The following AKAP6 variants were observed in gnomAD, a reference collection of about 807,000 sequenced individuals.
AKAP6 encodes A-kinase anchor protein 6.
A neutral mutation model predicts 188.5 loss-of-function variants in AKAP6; 58 were observed. That is an observed-to-expected ratio of 0.31 (90% CI 0.25 to 0.38). The LOEUF is 0.38. AKAP6 is among the 10% of genes least tolerant of loss of function. The pLI is 1.00. For missense variants in AKAP6, 2,710 were observed against 2,740.0 expected (o/e 0.99, Z 0.24); for synonymous variants, 989 against 998.6 (o/e 0.99, Z 0.18).
intron 1 of AKAP6, among the ~76,000 whole-genome samples, chr14:32,369,171 A>C (rs1887932198): frequency 6.6e-6 from 1 of 152,202 alleles, no homozygotes; most frequent in Non-Finnish European, 1.5e-5. Flanking sequence ...GACCCAGATG[A>C]AAGATAGCCA....
chr14:32,600,480 A>G (rs560519358), intron 6 of AKAP6, 149 bp from the exon 7 acceptor site: 1 of 870,748 alleles, frequency 1.1e-6, no homozygotes, highest in African/African-American at 1.7e-5. Context: ...CTCTATTCTG[A>G]GTGACAAATG....
At chr14:32,747,914 T>C (rs2031977803) in intron 11 of AKAP6, among the ~76,000 whole-genome samples, 1 of 152,194 alleles carries the variant, frequency 6.6e-6, no homozygotes, top group South Asian at 2.1e-4. Context: ...TGTGTACTCA[T>C]TTTATATGTG....
intron 1 of AKAP6, among the ~76,000 whole-genome samples, chr14:32,332,948 G>A (rs190719635): frequency 2.2e-4 from 34 of 152,176 alleles, no homozygotes; most frequent in Admixed American, 1.8e-3. Flanking sequence ...AGCTATCCAC[G>A]CCCAGCGTCA....
chr14:32,788,541 C>T (rs2033501971), intron 12 of AKAP6, among the ~76,000 whole-genome samples: 1 of 152,152 alleles, frequency 6.6e-6, no homozygotes, highest in Non-Finnish European at 1.5e-5. Context: ...GGGCAACAGC[C>T]CACCTGGGAG....
At position 32,822,906 on chromosome 14, in the gene AKAP6, C is replaced by G. The variant is rs2034569008; in HGVS notation, c.5093C>G (p.Ser1698Cys). ...LTELSSSDEL[S>C]LCSEDIVLHK... The stretch of plus-strand genomic sequence containing the variant: ...GAACTTAGCAGCAGTGACGAGCTCT[C>G]TCTTTGCTCAGAGGATATTGTGTTA... The change falls in exon 13 of 14, where the codon TCT becomes TGT. Residue 1698 changes from serine (S) to cysteine (C), a missense_variant. Physicochemically the swap from Ser to Cys is moderately radical, Grantham distance 112 (BLOSUM62 -1). Around this residue, in one of 2 missense-constraint regions of AKAP6, gnomAD observed 2,473 missense variants for 2,426.1 expected, o/e 1.02. Transcript: ENST00000280979. 1.2e-6 allele frequency: 2 copies of G among 1,613,810 alleles called. No homozygotes were observed. Among genetic ancestry groups the G allele is most frequent in the South Asian group, 1.1e-5 (1 of 91,088 alleles).
chr14:32,498,711 C>T (rs1172721967), intron 2 of AKAP6, among the ~76,000 whole-genome samples: 1 of 152,008 alleles, frequency 6.6e-6, no homozygotes, highest in Non-Finnish European at 1.5e-5. Flanking sequence ...GGAGCGAGAA[C>T]TATTCCCAGT....
At chr14:32,487,131 G>A (rs565551997) in intron 2 of AKAP6, among the ~76,000 whole-genome samples, 2 of 152,288 alleles carry the variant, frequency 1.3e-5, no homozygotes, top group East Asian at 1.9e-4. Flanking sequence ...ATTGATTTGT[G>A]TATGTTGAAC....
At chr14:32,504,385 A>G (rs899025331) in intron 2 of AKAP6, among the ~76,000 whole-genome samples, 1 of 152,056 alleles carries the variant, frequency 6.6e-6, no homozygotes, top group Non-Finnish European at 1.5e-5. Flanking sequence ...GGCTCAAGCA[A>G]TTCTCCTGCC....
intron 1 of AKAP6, among the ~76,000 whole-genome samples, chr14:32,348,848 G>T (rs912067208): frequency 6.6e-6 from 1 of 152,296 alleles, no homozygotes; most frequent in Non-Finnish European, 1.5e-5. Flanking sequence ...GAGGTGCCAA[G>T]TGGCCCTAAA....
chr14:32,345,537 G>A (rs1887038864), intron 1 of AKAP6, among the ~76,000 whole-genome samples: 1 of 152,330 alleles, frequency 6.6e-6, no homozygotes, highest in East Asian at 1.9e-4. Flanking sequence ...CCCTGTATCT[G>A]TGATGAGTTG....
At chr14:32,590,662 A>G (rs1390034939) in intron 5 of AKAP6, among the ~76,000 whole-genome samples, 2 of 152,168 alleles carry the variant, frequency 1.3e-5, no homozygotes, top group African/African-American at 4.8e-5. Context: ...TGTTTGGTAT[A>G]TCTGTGACAA....
At chr14:32,346,655 C>T (rs1887077070) in intron 1 of AKAP6, among the ~76,000 whole-genome samples, 1 of 152,172 alleles carries the variant, frequency 6.6e-6, no homozygotes, top group Non-Finnish European at 1.5e-5. Flanking sequence ...ACTACAGGGG[C>T]CCGCCACCGC....
At chr14:32,739,276 C>T (rs947989504) in intron 11 of AKAP6, among the ~76,000 whole-genome samples, 1 of 151,472 alleles carries the variant, frequency 6.6e-6, no homozygotes, top group Non-Finnish European at 1.5e-5. Context: ...ATTTATGGAG[C>T]ACATGAGTTT....
intron 7 of AKAP6, among the ~76,000 whole-genome samples, chr14:32,604,227 C>A (rs1397666015): frequency 6.6e-6 from 1 of 152,176 alleles, no homozygotes; most frequent in South Asian, 2.1e-4. Context: ...CAGCATAGTG[C>A]ATCTAAAAGC....
intron 12 of AKAP6, among the ~76,000 whole-genome samples, chr14:32,790,944 G>A (rs894163910): frequency 6.6e-6 from 1 of 152,128 alleles, no homozygotes; most frequent in African/African-American, 2.4e-5. Flanking sequence ...CAAAGGACAT[G>A]AACTCATTCT....
At chr14:32,415,132 A>G (rs994516115) in intron 1 of AKAP6, among the ~76,000 whole-genome samples, 3 of 152,192 alleles carry the variant, frequency 2.0e-5, no homozygotes, top group African/African-American at 7.2e-5. Flanking sequence ...ACGATTTACA[A>G]ATTCTTTGGG....
At position 32,822,817 on chromosome 14, in the gene AKAP6, T is replaced by C. The variant is rs774672474; in HGVS notation, c.5004T>C (p.Phe1668=). The C allele has an allele frequency of 1.1e-5, 17 of 1,613,842 alleles. No homozygotes were observed. The highest frequency in any genetic ancestry group is 1.1e-5 in the Non-Finnish European group (13 of 1,179,922). The part of the protein sequence containing the change: ...TLQSSSQKMS[F]TGQMSLDIAS... ...AAAGCAGTTCCCAAAAGATGTCCTT[T>C]ACTGGCCAGATGTCATTGGACATAG... is the stretch of plus-strand genomic sequence containing the variant. The change falls in exon 13 of 14, where the codon TTT becomes TTC. Residue 1668 remains phenylalanine, a synonymous_variant. Coordinates refer to ENST00000280979, the MANE Select transcript of AKAP6 (RefSeq NM_004274.5).
rs34015837 is a variant in AKAP6 at position 32,741,819 on chromosome 14, G to GTTTTT, written c.3372+5958_3372+5962dup. 4.7e-4 allele frequency among the ~76,000 whole-genome samples: 33 copies of GTTTTT among 70,708 alleles called. 1 individual carries two copies. The highest frequency in any genetic ancestry group is 8.1e-4 in the African/African-American group (15 of 18,578). 46.4% of individuals were successfully genotyped at this position (70,708 alleles called of 152,430 possible). A position where few individuals can be genotyped will look rare whatever the true frequency, so the allele number is the denominator to read the frequency against. ...ATTTATCAGAGATATTAGCCTGTAG[G>GTTTTT]TTTTTTTTTTTTTTTTTTTTTTTTT... On this transcript the variant is annotated intron_variant, in intron 11 of 13. Coordinates refer to ENST00000280979, the MANE Select transcript of AKAP6 (RefSeq NM_004274.5).
chr14:32,356,550 G>T (rs10129967), intron 1 of AKAP6, among the ~76,000 whole-genome samples: 47,632 of 151,970 alleles, frequency 0.31, 8,141 homozygotes, highest in African/African-American at 0.46. Flanking sequence ...AAAGCTGGTA[G>T]GTTCTAAAAT....
Sources: allele counts gnomAD v4.1 joint callset (sites outside exome capture counted in the v4.1 genomes callset), GRCh38; gene constraint gnomAD v4.1.1; regional missense constraint gnomAD v4.1.1; transcripts MANE v1.5; gene names NCBI Gene and HGNC (gene_info 2026-07-23, HGNC 2026-07-21).